TOGARAM2: variants seen among roughly 807,000 people sequenced by gnomAD.
TOGARAM2 encodes TOG array regulator of axonemal microtubules protein 2.
TOGARAM2 carries 85 observed loss-of-function variants against 93.3 expected under a neutral mutation model. That is an observed-to-expected ratio of 0.91 (90% CI 0.76 to 1.09). The LOEUF (loss-of-function observed/expected upper bound fraction) is 1.09, where lower values mean the gene tolerates loss of function less well. TOGARAM2 is among the 50% of genes least tolerant of loss of function. The pLI is 0.00. For missense variants in TOGARAM2, 1,277 were observed against 1,334.5 expected (o/e 0.96, Z 0.67); for synonymous variants, 593 against 552.8 (o/e 1.07, Z -1.02).
chr2:29,024,042 G>A, intron 12 of TOGARAM2, 97 bp from the exon 13 acceptor site: 1 of 1,026,152 alleles, frequency 9.7e-7, no homozygotes, highest in Non-Finnish European at 1.4e-6. Context: ...GGAAGGGTGG[G>A]GGTGGAGGAA....
chr2:29,044,864 T>A (rs1266918515), intron 18 of TOGARAM2, among the ~76,000 whole-genome samples: 1 of 152,158 alleles, frequency 6.6e-6, no homozygotes, highest in East Asian at 1.9e-4. Flanking sequence ...CTTTGTGTAA[T>A]CATGGCTCAG....
chr2:28,994,262 C>T, intron 1 of TOGARAM2, among the ~76,000 whole-genome samples: 1 of 152,082 alleles, frequency 6.6e-6, no homozygotes, highest in Non-Finnish European at 1.5e-5. Context: ...CATGACCGCG[C>T]ATCCTGAGAG....
At chr2:28,995,843 G>T (rs920104949) in intron 2 of TOGARAM2, among the ~76,000 whole-genome samples, 1 of 152,226 alleles carries the variant, frequency 6.6e-6, no homozygotes, top group Non-Finnish European at 1.5e-5. Context: ...TTCCACCTGC[G>T]TGGTGGCTTC....
chr2:28,961,339 A>C (rs1016585074), intron 1 of TOGARAM2, among the ~76,000 whole-genome samples: 1 of 152,028 alleles, frequency 6.6e-6, no homozygotes, highest in Admixed American at 6.6e-5. Context: ...TTTATTATTT[A>C]ATTTTTAATT....
intron 19 of TOGARAM2, chr2:29,050,734 C>G (rs1378977337): frequency 6.6e-6 from 1 of 152,234 alleles, no homozygotes; most frequent in Non-Finnish European, 1.5e-5. Context: ...GGATGACAGG[C>G]AGAGCATGTG....
chr2:28,997,811 T>C (rs1673068227), intron 2 of TOGARAM2, among the ~76,000 whole-genome samples: 1 of 151,808 alleles, frequency 6.6e-6, no homozygotes, highest in Non-Finnish European at 1.5e-5. Flanking sequence ...CATCGGTCAA[T>C]GATGTTGGGT....
chr2:29,000,444 T>C (rs898243186), intron 4 of TOGARAM2, among the ~76,000 whole-genome samples: 1 of 152,200 alleles, frequency 6.6e-6, no homozygotes, highest in Non-Finnish European at 1.5e-5. Context: ...TCTGTGTTAC[T>C]GTGGGGGTTT....
chr2:29,029,754 T>TAAAAAAAAAAA (rs764355917), intron 14 of TOGARAM2, among the ~76,000 whole-genome samples: 2 of 127,124 alleles, frequency 1.6e-5, no homozygotes, highest in Non-Finnish European at 3.3e-5. Flanking sequence ...AGGCTCTGTC[T>TAAAAAAAAAAA]AAAAAAAAAA....
intron 6 of TOGARAM2, among the ~76,000 whole-genome samples, chr2:29,005,000 GTGTGCATGTGTATGTGTGAGTGCATGTA>G (rs1673583152): frequency 3.7e-5 from 2 of 54,264 alleles, no homozygotes; most frequent in Admixed American, 2.0e-4. Context: ...GAGTGCATGT[GTGTGCATGTGTATGTGTGAGTGCATGTA>G]TGTGAGTGCA....
intron 6 of TOGARAM2, among the ~76,000 whole-genome samples, chr2:29,009,808 G>C (rs1305520036): frequency 6.6e-6 from 1 of 152,016 alleles, no homozygotes; most frequent in African/African-American, 2.4e-5. Flanking sequence ...GCCTGCGGAG[G>C]AGCCTGAGCG....
At position 29,014,492 on chromosome 2, in the gene TOGARAM2, C is replaced by T; in HGVS notation, c.975C>T (p.Phe325=). 2.5e-6 allele frequency: 4 copies of T among 1,588,022 alleles called. No individual in the cohort carries two copies. The highest frequency in any genetic ancestry group is 2.6e-6 in the Non-Finnish European group (3 of 1,167,372). ...AGTCTGCTCCCACGCTGACAGCCTTCTCCTTTGACTGTGCCAGAGAAGCCT... is the reference window on the plus strand; with the variant it reads ...AGTCTGCTCCCACGCTGACAGCCTTTTCCTTTGACTGTGCCAGAGAAGCCT... ...FSQSAPTLTA[F]SFDCAREACP... is the part of the protein sequence containing the mutation. Residue 325 remains phenylalanine (F), a synonymous_variant, in exon 8 of 20, where the codon TTC becomes TTT. Transcript: ENST00000379558.
intron 1 of TOGARAM2, among the ~76,000 whole-genome samples, chr2:28,971,361 G>A (rs945991246): frequency 1.3e-5 from 2 of 151,986 alleles, no homozygotes; most frequent in African/African-American, 2.4e-5. Context: ...ACAGGTGTGC[G>A]CCATCATGCC....
intron 1 of TOGARAM2, among the ~76,000 whole-genome samples, chr2:28,971,559 A>T (rs749358817): frequency 3.6e-4 from 55 of 152,132 alleles, no homozygotes; most frequent in Non-Finnish European, 7.1e-4. Context: ...TGTGGGAGGG[A>T]TCCTCAATCA....
chr2:29,032,333 C>T (rs747492164), intron 14 of TOGARAM2, among the ~76,000 whole-genome samples: 6 of 152,150 alleles, frequency 3.9e-5, no homozygotes, highest in Admixed American at 2.0e-4. Flanking sequence ...CCTGTTCCTC[C>T]GACGTATCCC....
chr2:29,002,500 G>C, intron 4 of TOGARAM2, 36 bp from the exon 5 acceptor site: 1 of 1,584,814 alleles, frequency 6.3e-7, no homozygotes. Flanking sequence ...CTGTTCTTCT[G>C]GGACTAACTG....
intron 7 of TOGARAM2, among the ~76,000 whole-genome samples, chr2:29,011,947 A>C (rs988544693): frequency 6.6e-5 from 10 of 152,196 alleles, no homozygotes; most frequent in African/African-American, 1.2e-4. Flanking sequence ...GTGTTAAGCA[A>C]GTAGAGAGAG....
chr2:29,028,068 G>A (rs1665522194), intron 14 of TOGARAM2, among the ~76,000 whole-genome samples: 1 of 152,174 alleles, frequency 6.6e-6, no homozygotes. Flanking sequence ...AGAGCGAGAG[G>A]ATCTGGTTGA....
intron 1 of TOGARAM2, among the ~76,000 whole-genome samples, chr2:28,972,027 T>C (rs1671952134): frequency 6.6e-6 from 1 of 152,200 alleles, no homozygotes; most frequent in Non-Finnish European, 1.5e-5. Context: ...ATACACAGTG[T>C]ATATTAAAGG....
intron 16 of TOGARAM2, among the ~76,000 whole-genome samples, chr2:29,034,852 A>G (rs1157483008): frequency 6.6e-6 from 1 of 152,140 alleles, no homozygotes; most frequent in African/African-American, 2.4e-5. Flanking sequence ...CCACTCTTAC[A>G]TTAAATGTGC....
Sources: allele counts gnomAD v4.1 joint callset (sites outside exome capture counted in the v4.1 genomes callset), GRCh38; gene constraint gnomAD v4.1.1; transcripts MANE v1.5; gene names NCBI Gene and HGNC (gene_info 2026-07-23, HGNC 2026-07-21).